The following PPARA variants were observed in gnomAD, a reference collection of about 807,000 sequenced individuals.
PPARA encodes the protein peroxisome proliferator-activated receptor alpha.
A neutral mutation model predicts 42.2 loss-of-function variants in PPARA; 22 were observed. The ratio of observed to expected loss-of-function variants is 0.52; its 90% CI spans 0.37 to 0.74. PPARA has a LOEUF of 0.74. PPARA is among the 30% of genes least tolerant of loss of function. The pLI, the probability that PPARA is intolerant of heterozygous loss-of-function variation, is 0.00. For synonymous variants in PPARA, 242 were observed against 239.3 expected, an observed-to-expected ratio of 1.01 and a Z score of -0.10; for missense variants, 465 against 608.2, an observed-to-expected ratio of 0.76 and a Z score of 2.48.
rs1181888366 is a variant in PPARA, at chr22:46,216,609, G to A, written c.369+1276G>A. ...CAGGGACTGGAACCAGAGACTGGCTGCTCCTGCTCCCCAGCAGTTCCTTCC... is the reference window on the plus strand; with the variant it reads ...CAGGGACTGGAACCAGAGACTGGCTACTCCTGCTCCCCAGCAGTTCCTTCC... On this transcript the variant is annotated intron_variant, in intron 5 of 8. Transcript: ENST00000407236. This position sits in a 1 kb window ranked among gnomAD's most constrained non-coding sequence, Gnocchi z 4.5. Among the ~76,000 whole-genome samples, 1 of 152,186 alleles carries A rather than the reference G, an allele frequency of 6.6e-6. No homozygotes were observed. Among genetic ancestry groups the A allele is most frequent in the Non-Finnish European group, 1.5e-5 (1 of 68,024 alleles).
At chr22:46,197,059 T>G (rs1018173266) in intron 3 of PPARA, among the ~76,000 whole-genome samples, 10 of 149,444 alleles carry the variant, frequency 6.7e-5, no homozygotes, top group Non-Finnish European at 1.2e-4. Context: ...TTGGTTTTGG[T>G]TTTTTTTTGA....
At chr22:46,220,474 C>T in intron 7 of PPARA, 1 of 220,248 alleles carries the variant, frequency 4.5e-6, no homozygotes, top group Non-Finnish European at 9.2e-6. Context: ...ACCACCACAC[C>T]TGGCTATGTT....
rs759024178 is a variant in PPARA at position 46,163,611 on chromosome 22, G to A, written c.-127+11641G>A. Reference sequence around the variant, plus strand: ...CCCTAGACAAATGCAGGCCTTTCTCGAAGCCCCTTTCCCAGGACGACGTGA... The same window carrying A: ...CCCTAGACAAATGCAGGCCTTTCTCAAAGCCCCTTTCCCAGGACGACGTGA... On this transcript the variant is annotated intron_variant, in intron 2 of 8. Coordinates refer to ENST00000407236, the MANE Select transcript of PPARA (RefSeq NM_005036.6). The surrounding 1 kb of genome is among the most constrained non-coding windows in gnomAD (Gnocchi z 4.9). The A allele has an allele frequency of 2.6e-5, 4 of 152,226 alleles. No homozygotes were observed. Among genetic ancestry groups the A allele is most frequent in the South Asian group, 2.1e-4 (1 of 4,834 alleles). 9.4% of individuals were successfully genotyped at this position (152,226 alleles called of 1,614,324 possible).
intron 3 of PPARA, among the ~76,000 whole-genome samples, chr22:46,197,411 G>A (rs925750078): frequency 3.9e-5 from 6 of 152,140 alleles, no homozygotes; most frequent in Admixed American, 6.6e-5. Flanking sequence ...ACGGAGCTGC[G>A]ACAGCTGCGC....
Position 46,219,033 on chromosome 22 carries a change from A to C in PPARA, c.508+632A>C, listed in dbSNP as rs2147587455. On this transcript the variant is annotated intron_variant, in intron 6 of 8. Coordinates refer to ENST00000407236, the MANE Select transcript of PPARA (RefSeq NM_005036.6). The surrounding 1 kb of genome is among the most constrained non-coding windows in gnomAD (Gnocchi z 4.8). ...AAAAATTAGCTGGGCATGGTAGTGC[A>C]CACCTGTAATCCCAGCTACTTGGGA... 6.7e-6 allele frequency among the ~76,000 whole-genome samples: 1 copy of C among 150,294 alleles called. No individual in the cohort carries two copies. The highest frequency in any genetic ancestry group is 2.0e-4 in the East Asian group (1 of 5,090).
At chr22:46,159,806 T>G (rs1428094088) in intron 2 of PPARA, among the ~76,000 whole-genome samples, 18 of 152,148 alleles carry the variant, frequency 1.2e-4, no homozygotes, top group Admixed American at 1.2e-3. Flanking sequence ...TAAATGTGTT[T>G]GAAGCCAAGG....
Position 46,230,320 on chromosome 22 carries a change from G to A in PPARA, c.712-1472G>A, listed in dbSNP as rs370544408. ...TGGGAGGCCGAGGTTGCAGTGAGCCGAGATTGTGCCATTGCACTCCAGCCT... is the reference window on the plus strand; with the variant it reads ...TGGGAGGCCGAGGTTGCAGTGAGCCAAGATTGTGCCATTGCACTCCAGCCT... On this transcript the variant is annotated intron_variant, in intron 7 of 8. Transcript: ENST00000407236. The surrounding 1 kb of genome is among the most constrained non-coding windows in gnomAD (Gnocchi z 5.0). Among the ~76,000 whole-genome samples, 2 of 152,068 alleles carry A rather than the reference G, an allele frequency of 1.3e-5. No individual in the cohort carries two copies. The highest frequency in any genetic ancestry group is 2.4e-5 in the African/African-American group (1 of 41,366).
intron 3 of PPARA, among the ~76,000 whole-genome samples, chr22:46,189,925 T>G (rs1601694555): frequency 6.6e-6 from 1 of 152,152 alleles, no homozygotes; most frequent in Non-Finnish European, 1.5e-5. Flanking sequence ...CAGGATGGTC[T>G]CAGCCTCTTG....
rs1926153649 is a variant in PPARA at position 46,161,446 on chromosome 22, CTGGGCATGGTA to C, written c.-127+9480_-127+9490del. 6.6e-6 allele frequency among the ~76,000 whole-genome samples: 1 copy of C among 152,022 alleles called. No homozygotes were observed. Among genetic ancestry groups the C allele is most frequent in the African/African-American group, 2.4e-5 (1 of 41,386 alleles). ...TCTCTACTAAAAATACAAAATTTAGCTGGGCATGGTATGGCTGTAGTCCCAGCTACTCGGGA... is the reference window on the plus strand; with the variant it reads ...TCTCTACTAAAAATACAAAATTTAGCTGGCTGTAGTCCCAGCTACTCGGGA... On this transcript the variant is annotated intron_variant, in intron 2 of 8. Coordinates refer to ENST00000407236, the MANE Select transcript of PPARA (RefSeq NM_005036.6). This position sits in a 1 kb window ranked among gnomAD's most constrained non-coding sequence, Gnocchi z 4.8.
rs764963318 is a variant in PPARA, at chr22:46,191,921, C to T, written c.-42-6421C>T. Among the ~76,000 whole-genome samples the T allele has an allele frequency of 1.8e-4, 28 of 152,144 alleles. No individual in the cohort carries two copies. The highest frequency in any genetic ancestry group is 4.1e-4 in the African/African-American group (17 of 41,448). ...TCTCTACTAAAAATACAAAAGTAGC[C>T]GGGCGTGGTGGCGCACGCCCGTAGT... is the stretch of plus-strand genomic sequence containing the variant. On this transcript the variant is annotated intron_variant, in intron 3 of 8. Coordinates refer to ENST00000407236, the MANE Select transcript of PPARA (RefSeq NM_005036.6). The surrounding 1 kb of genome is among the most constrained non-coding windows in gnomAD (Gnocchi z 4.6).
In PPARA at chr22:46,180,910, A is replaced by C. The variant is rs1929862623; in HGVS notation, c.-43+4074A>C. On this transcript the variant is annotated intron_variant, in intron 3 of 8. Coordinates refer to ENST00000407236, the MANE Select transcript of PPARA (RefSeq NM_005036.6). The surrounding 1 kb of genome is among the most constrained non-coding windows in gnomAD (Gnocchi z 4.2). Reference sequence around the variant, plus strand: ...CCTTTGGTGCCAATGGGAGGACTTTAGCCCGGAAAGGAGATTGGCTCTCCT... The same window carrying C: ...CCTTTGGTGCCAATGGGAGGACTTTCGCCCGGAAAGGAGATTGGCTCTCCT... Among the ~76,000 whole-genome samples, 1 of 152,166 alleles carries C rather than the reference A, an allele frequency of 6.6e-6. No homozygotes were observed. The highest frequency in any genetic ancestry group is 2.4e-5 in the African/African-American group (1 of 41,444).
At chr22:46,209,677 G>C (rs142955002) in intron 4 of PPARA, among the ~76,000 whole-genome samples, 279 of 152,238 alleles carry the variant, frequency 1.8e-3, no homozygotes, top group African/African-American at 6.4e-3. Flanking sequence ...TTTCACCCAT[G>C]TATCTATATA....
chr22:46,241,004 G>A lies in PPARA; in HGVS notation c.*5624G>A, dbSNP rs1417412239. On this transcript the variant is annotated 3_prime_UTR_variant, in exon 9 of 9. Coordinates refer to ENST00000407236, the MANE Select transcript of PPARA (RefSeq NM_005036.6). The surrounding 1 kb of genome is among the most constrained non-coding windows in gnomAD (Gnocchi z 5.7). ...CTGCAGCTTTACAGAGCAAGGAAGG[G>A]TTGTGGCAAATAAATGATTAACCTG... is the stretch of plus-strand genomic sequence containing the variant. 6.6e-6 allele frequency: 1 copy of A among 152,280 alleles called. No homozygotes were observed. The allele number at this position is 152,280 out of a possible 1,614,324, so 9.4% of individuals were successfully genotyped here.
chr22:46,212,330 G>C lies in PPARA; in HGVS notation c.209-2843G>C, dbSNP rs1478350624. 3.9e-5 allele frequency among the ~76,000 whole-genome samples: 6 copies of C among 152,050 alleles called. No homozygotes were observed. The highest frequency in any genetic ancestry group is 7.4e-5 in the Non-Finnish European group (5 of 68,010). On this transcript the variant is annotated intron_variant, in intron 4 of 8. Coordinates refer to ENST00000407236, the MANE Select transcript of PPARA (RefSeq NM_005036.6). The surrounding 1 kb of genome is among the most constrained non-coding windows in gnomAD (Gnocchi z 4.2). ...CCTCGGCCTCCCAAAGTGCTGGGATGACAGGCATGAGCTACCGTGCCCAGA... is the reference window on the plus strand; with the variant it reads ...CCTCGGCCTCCCAAAGTGCTGGGATCACAGGCATGAGCTACCGTGCCCAGA...
At position 46,216,105 on chromosome 22, in the gene PPARA, G is replaced by A. The variant is rs983054348; in HGVS notation, c.369+772G>A. 2.0e-5 allele frequency among the ~76,000 whole-genome samples: 3 copies of A among 152,102 alleles called. No individual in the cohort carries two copies. Among genetic ancestry groups the A allele is most frequent in the Non-Finnish European group, 4.4e-5 (3 of 68,014 alleles). ...AAAAGAAAATAAGTCACATTGGACCGGGTGCAGTGGCTCACGCCTATAATC... is the reference window on the plus strand; with the variant it reads ...AAAAGAAAATAAGTCACATTGGACCAGGTGCAGTGGCTCACGCCTATAATC... On this transcript the variant is annotated intron_variant, in intron 5 of 8. Transcript: ENST00000407236. This position sits in a 1 kb window ranked among gnomAD's most constrained non-coding sequence, Gnocchi z 4.5.
At chr22:46,210,734 G>A (rs1034181574) in intron 4 of PPARA, among the ~76,000 whole-genome samples, 3 of 152,148 alleles carry the variant, frequency 2.0e-5, no homozygotes, top group East Asian at 3.9e-4. Flanking sequence ...ATGAGCCACC[G>A]TGCCTGGCCA....
chr22:46,159,472 G>A (rs899798341), intron 2 of PPARA, among the ~76,000 whole-genome samples: 2 of 152,112 alleles, frequency 1.3e-5, no homozygotes, highest in Non-Finnish European at 2.9e-5. Context: ...GGCAAGGGAG[G>A]TTGGGCTTCC....
At chr22:46,213,296 C>T (rs865909296) in intron 4 of PPARA, among the ~76,000 whole-genome samples, 1 of 152,084 alleles carries the variant, frequency 6.6e-6, no homozygotes, top group Non-Finnish European at 1.5e-5. Context: ...CTCAGTGCCC[C>T]GATGACATAT....
intron 2 of PPARA, among the ~76,000 whole-genome samples, chr22:46,154,244 C>T (rs1356019412): frequency 2.0e-5 from 3 of 152,112 alleles, no homozygotes; most frequent in Non-Finnish European, 4.4e-5. Flanking sequence ...CTATTTTTGC[C>T]GGGACATCTT....
Sources: allele counts gnomAD v4.1 joint callset (sites outside exome capture counted in the v4.1 genomes callset), GRCh38; gene constraint gnomAD v4.1.1; non-coding constraint Gnocchi (gnomAD v3.1); transcripts MANE v1.5; gene names NCBI Gene and HGNC (gene_info 2026-07-23, HGNC 2026-07-21).